ZNF746: variants seen among roughly 807,000 people sequenced by gnomAD.
The protein encoded by ZNF746 is parkin-interacting substrate.
In ZNF746, 13 loss-of-function variants were observed where a neutral mutation model predicts 41.0. That is an observed-to-expected ratio of 0.32 (90% CI 0.21 to 0.50). ZNF746 has a LOEUF of 0.50. Ranked by LOEUF, ZNF746 falls within the 20% of genes least tolerant of loss-of-function variation. The probability of loss-of-function intolerance (pLI) is 0.98; values close to 1 mark genes in which losing one functional copy is unlikely to be tolerated. For synonymous variants in ZNF746, 424 were observed against 396.2 expected (o/e 1.07, Z -0.83); for missense variants, 811 against 922.9 (o/e 0.88, Z 1.57).
intron 4 of ZNF746, chr7:149,491,222 G>A (rs1370188819): frequency 6.6e-6 from 1 of 152,434 alleles, no homozygotes; most frequent in African/African-American, 2.4e-5. Flanking sequence ...TGGAGTTTGT[G>A]TCTACTCATC....
At position 149,474,932 on chromosome 7, in the gene ZNF746, G is replaced by T; in HGVS notation, c.1435C>A (p.Gln479Lys). ...TGCGCGCTCAGGCTGACTTGCAGCT[G>T]GAAGCTCTTCCCACACGTGGCGCAG... ...FTCATCGKSFQLQVSLSAHQR... is the reference protein window; with the variant it reads ...FTCATCGKSFKLQVSLSAHQR... The change falls in exon 7 of 7, where the codon CAG becomes AAG. Residue 479 changes from glutamine to lysine, a missense_variant. Transcript: ENST00000458143. The surrounding 1 kb of genome is among the most constrained non-coding windows in gnomAD (Gnocchi z 6.3). 1.3e-6 allele frequency: 2 copies of T among 1,543,100 alleles called. No individual in the cohort carries two copies. Among genetic ancestry groups the T allele is most frequent in the Non-Finnish European group, 1.7e-6 (2 of 1,146,390 alleles).
chr7:149,475,604 C>A lies in ZNF746; in HGVS notation c.884-121G>T. On this transcript the variant is annotated intron_variant, in intron 6 of 6. Transcript: ENST00000458143. ...ACAAACTCCACCCAGGCCCTCGTGGCTGAGCCCAGAGGGCAGCTCAGCAGA... is the reference window on the plus strand; with the variant it reads ...ACAAACTCCACCCAGGCCCTCGTGGATGAGCCCAGAGGGCAGCTCAGCAGA... The A allele has an allele frequency of 2.7e-6, 4 of 1,489,296 alleles. No individual in the cohort carries two copies. The South Asian group carries it at 4.0e-5, about 15-fold the overall frequency. 92.3% of individuals were successfully genotyped at this position (1,489,296 alleles called of 1,614,324 possible). A position where few individuals can be genotyped will look rare whatever the true frequency, so the allele number is the denominator to read the frequency against.
intron 4 of ZNF746, among the ~76,000 whole-genome samples, chr7:149,486,331 C>A (rs957459294): frequency 2.6e-5 from 4 of 151,210 alleles, no homozygotes; most frequent in East Asian, 1.9e-4. Flanking sequence ...CATGTCTTTT[C>A]TTTCCTATGA....
chr7:149,476,230 G>A (rs1297627886), intron 6 of ZNF746, among the ~76,000 whole-genome samples: 1 of 148,388 alleles, frequency 6.7e-6, no homozygotes, highest in African/African-American at 2.5e-5. Context: ...GGAGAATGGC[G>A]TGAACCCGGA....
At chr7:149,496,445 C>A (rs1158286891) in intron 1 of ZNF746, among the ~76,000 whole-genome samples, 1 of 152,156 alleles carries the variant, frequency 6.6e-6, no homozygotes, top group Non-Finnish European at 1.5e-5. Context: ...GATCCCTCAT[C>A]CACTGCCCAC....
chr7:149,486,722 C>CT (rs1342979181), intron 4 of ZNF746, among the ~76,000 whole-genome samples: 1 of 152,104 alleles, frequency 6.6e-6, no homozygotes, highest in African/African-American at 2.4e-5. Context: ...GCAAGGGACT[C>CT]TATTTCTGAA....
At chr7:149,486,199 C>T (rs6965066) in intron 4 of ZNF746, among the ~76,000 whole-genome samples, 4,431 of 152,182 alleles carry the variant, frequency 0.029, 236 homozygotes, top group African/African-American at 0.1. Context: ...TCCCACCAAA[C>T]GGGCAGAAAT....
intron 4 of ZNF746, among the ~76,000 whole-genome samples, chr7:149,481,114 T>C (rs1464630028): frequency 6.6e-6 from 1 of 152,182 alleles, no homozygotes; most frequent in Non-Finnish European, 1.5e-5. Flanking sequence ...AAAGGAATCC[T>C]GATTGGACTG....
chr7:149,477,763 A>G lies in ZNF746; in HGVS notation c.566-8T>C, dbSNP rs1456644673. On this transcript the variant is annotated splice_polypyrimidine_tract_variant and splice_region_variant and intron_variant, in intron 4 of 6. Coordinates refer to ENST00000458143, the MANE Select transcript of ZNF746 (RefSeq NM_001394198.1). ...GAACTGGGGGCCCCGAGCCTAGGAA[A>G]GGGAGTGAGTGTGAGGATACAGCAT... The G allele has an allele frequency of 6.3e-7, 1 of 1,598,700 alleles. No individual in the cohort carries two copies.
intron 4 of ZNF746, among the ~76,000 whole-genome samples, chr7:149,478,368 C>G (rs1285150050): frequency 6.6e-6 from 1 of 152,184 alleles, no homozygotes; most frequent in African/African-American, 2.4e-5. Flanking sequence ...AAAACTCTGT[C>G]TGCCTGCGGG....
rs1467539728 is a variant in ZNF746, at chr7:149,497,789, C to T, written c.-253G>A. ...GGCAGACGAAGGCCCGTGAGGCTTCCTGGAGGCAGCGCGGCCGCACAGCCC... is the reference window on the plus strand; with the variant it reads ...GGCAGACGAAGGCCCGTGAGGCTTCTTGGAGGCAGCGCGGCCGCACAGCCC... On this transcript the variant is annotated 5_prime_UTR_variant, in exon 1 of 7. Transcript: ENST00000458143. This position sits in a 1 kb window ranked among gnomAD's most constrained non-coding sequence, Gnocchi z 4.2. 1 of 155,600 alleles carries T rather than the reference C, an allele frequency of 6.4e-6. No homozygotes were observed. Among genetic ancestry groups the T allele is most frequent in the African/African-American group, 2.4e-5 (1 of 41,118 alleles). The allele number at this position is 155,600 out of a possible 1,614,324, so 9.6% of individuals were successfully genotyped here.
intron 6 of ZNF746, among the ~76,000 whole-genome samples, chr7:149,476,250 G>A (rs1392895489): frequency 2.8e-5 from 4 of 144,826 alleles, no homozygotes; most frequent in Non-Finnish European, 6.0e-5. Context: ...AAGGCGGAGC[G>A]TGCAGTGAGC....
chr7:149,480,406 A>G (rs1800450057), intron 4 of ZNF746, among the ~76,000 whole-genome samples: 1 of 151,662 alleles, frequency 6.6e-6, no homozygotes, highest in Non-Finnish European at 1.5e-5. Flanking sequence ...TAGAATGGTG[A>G]GAAAAAATAA....
Position 149,485,235 on chromosome 7 carries a change from G to T in ZNF746, c.566-7480C>A, listed in dbSNP as rs139858172. 2.7e-3 allele frequency among the ~76,000 whole-genome samples: 406 copies of T among 150,148 alleles called. 15 individuals are homozygous for T. The South Asian group carries it at 0.071, about 26-fold the overall frequency. On this transcript the variant is annotated intron_variant, in intron 4 of 6. Transcript: ENST00000458143. ...TATAAAACTTCATTGCGACACTATA[G>T]ACAAACCAAATGGAGTGACTTAGGA...
At chr7:149,476,077 G>T (rs1261611213) in intron 6 of ZNF746, among the ~76,000 whole-genome samples, 1 of 152,186 alleles carries the variant, frequency 6.6e-6, no homozygotes, top group Non-Finnish European at 1.5e-5. Flanking sequence ...CACTTTGGGA[G>T]GCCAAGGCGG....
At chr7:149,493,012 T>C in intron 3 of ZNF746, 40 bp from the exon 4 acceptor site, 1 of 1,377,868 alleles carries the variant, frequency 7.3e-7, no homozygotes, top group Non-Finnish European at 1.0e-6. Context: ...CACGTTCCAG[T>C]CAAAGCTGGG....
rs749165743 is a variant in ZNF746 at position 149,474,861 on chromosome 7, G to T, written c.1506C>A (p.Gly502=). 287 of 1,463,000 alleles carry T rather than the reference G, an allele frequency of 2.0e-4. 5 individuals carry two copies. The South Asian group carries it at 3.3e-3, about 17-fold the overall frequency. 90.6% of individuals were successfully genotyped at this position (1,463,000 alleles called of 1,614,324 possible). A position where few individuals can be genotyped will look rare whatever the true frequency, so the allele number is the denominator to read the frequency against. Reference sequence around the variant, plus strand: ...CGCCGCCACTGCCGCTGCCGCCACCGCCTGTGCCCGGGCCCGACCCGTCGG... The same window carrying T: ...CGCCGCCACTGCCGCTGCCGCCACCTCCTGTGCCCGGGCCCGACCCGTCGG... ...GAPDGSGPGT[G]GGGSGSGGGG... is the part of the protein sequence containing the mutation. Residue 502 remains glycine, a synonymous_variant, in exon 7 of 7, where the codon GGC becomes GGA. Coordinates refer to ENST00000458143, the MANE Select transcript of ZNF746 (RefSeq NM_001394198.1). This position sits in a 1 kb window ranked among gnomAD's most constrained non-coding sequence, Gnocchi z 6.3.
At chr7:149,482,742 G>C (rs980896547) in intron 4 of ZNF746, among the ~76,000 whole-genome samples, 3 of 152,210 alleles carry the variant, frequency 2.0e-5, no homozygotes, top group Admixed American at 1.3e-4. Flanking sequence ...TAGGATTACA[G>C]GCGTGAGCCA....
intron 4 of ZNF746, among the ~76,000 whole-genome samples, chr7:149,482,217 A>T (rs1352780894): frequency 6.6e-6 from 1 of 152,218 alleles, no homozygotes; most frequent in Non-Finnish European, 1.5e-5. Context: ...TAAAAGGTAA[A>T]GGTAAAGATT....
Sources: allele counts gnomAD v4.1 joint callset (sites outside exome capture counted in the v4.1 genomes callset), GRCh38; gene constraint gnomAD v4.1.1; non-coding constraint Gnocchi (gnomAD v3.1); transcripts MANE v1.5; gene names NCBI Gene and HGNC (gene_info 2026-07-23, HGNC 2026-07-21).